LRP1B: variants seen among roughly 807,000 people sequenced by gnomAD.
The protein encoded by LRP1B is low-density lipoprotein receptor-related protein 1B.
A neutral mutation model predicts 556.6 loss-of-function variants in LRP1B; 217 were observed. The observed-to-expected ratio is 0.39, with a 90% CI of 0.35 to 0.44. LRP1B has a LOEUF of 0.44. Ranked by LOEUF, LRP1B falls within the 20% of genes least tolerant of loss-of-function variation. The pLI is 1.00. For synonymous variants in LRP1B, 2,047 were observed against 1,865.8 expected (o/e 1.10, Z -2.50); for missense variants, 5,053 against 5,620.8 (o/e 0.90, Z 3.23).
chr2:141,930,917 T>A (rs1700482588), intron 1 of LRP1B, among the ~76,000 whole-genome samples: 1 of 152,056 alleles, frequency 6.6e-6, no homozygotes, highest in East Asian at 1.9e-4. Context: ...AAGATGTAAC[T>A]GCCTATTATT....
Position 140,527,384 on chromosome 2 carries a change from A to G in LRP1B, c.7763-1034T>C, listed in dbSNP as rs1041755262. The stretch of plus-strand genomic sequence containing the variant: ...CTAGTGTTGATATTTTAAAGAGCCT[A>G]TTTAATTATAAATAGAAATTATATC... On this transcript the variant is annotated intron_variant, in intron 47 of 90. Transcript: ENST00000389484. Among the ~76,000 whole-genome samples the G allele has an allele frequency of 4.6e-5, 7 of 151,952 alleles. 1 individual carries two copies. The highest frequency in any genetic ancestry group is 3.9e-4 in the Admixed American group (6 of 15,206).
intron 83 of LRP1B, among the ~76,000 whole-genome samples, chr2:140,313,107 G>A (rs1023667290): frequency 2.0e-5 from 3 of 151,688 alleles, no homozygotes; most frequent in African/African-American, 7.3e-5. Flanking sequence ...ACCAAACAAT[G>A]TTTTTATAAA....
chr2:140,504,978 T>C (rs955271157), intron 53 of LRP1B, among the ~76,000 whole-genome samples: 1 of 152,202 alleles, frequency 6.6e-6, no homozygotes, highest in African/African-American at 2.4e-5. Flanking sequence ...TACACTGGCC[T>C]CTGAGAGACA....
chr2:141,414,470 G>C (rs1691011945), intron 3 of LRP1B, among the ~76,000 whole-genome samples: 1 of 152,128 alleles, frequency 6.6e-6, no homozygotes, highest in African/African-American at 2.4e-5. Context: ...AAGTGTGTTA[G>C]CACACTATTT....
Position 141,025,956 on chromosome 2 carries a change from A to G in LRP1B, c.1790-5854T>C, listed in dbSNP as rs188457118. ...GAAGCCCTAGAGATACGCAAGGGGC[A>G]TATAGATCATTGTACAATATTCCAC... On this transcript the variant is annotated intron_variant, in intron 11 of 90. Transcript: ENST00000389484. 3.3e-5 allele frequency among the ~76,000 whole-genome samples: 5 copies of G among 152,236 alleles called. No homozygotes were observed. In the South Asian group the frequency reaches 6.2e-4, roughly 19 times the overall value.
intron 2 of LRP1B, among the ~76,000 whole-genome samples, chr2:141,526,275 G>A (rs1299724586): frequency 1.3e-5 from 2 of 151,966 alleles, no homozygotes; most frequent in Non-Finnish European, 2.9e-5. Flanking sequence ...CTTTTTAGCA[G>A]ACGGTGAGTT....
chr2:140,318,460 C>A (rs1684625504), intron 82 of LRP1B, among the ~76,000 whole-genome samples: 1 of 152,030 alleles, frequency 6.6e-6, no homozygotes, highest in African/African-American at 2.4e-5. Context: ...AAGCAAGATT[C>A]CTTCTTTCAA....
chr2:140,607,621 C>T (rs1173674819), intron 41 of LRP1B, among the ~76,000 whole-genome samples: 4 of 107,240 alleles, frequency 3.7e-5, no homozygotes, highest in Non-Finnish European at 5.6e-5. Flanking sequence ...CTAAACTCGA[C>T]CCCCTCTCTT....
chr2:141,789,585 C>A (rs1220764051), intron 2 of LRP1B, among the ~76,000 whole-genome samples: 1 of 151,700 alleles, frequency 6.6e-6, no homozygotes, highest in Non-Finnish European at 1.5e-5. Context: ...ACCAACTTTC[C>A]TTTATGTTTT....
At chr2:141,095,728 T>C (rs930276860) in intron 7 of LRP1B, among the ~76,000 whole-genome samples, 1 of 152,142 alleles carries the variant, frequency 6.6e-6, no homozygotes, top group Non-Finnish European at 1.5e-5. Context: ...GAGCACCTGT[T>C]CTCAACATGA....
intron 43 of LRP1B, among the ~76,000 whole-genome samples, chr2:140,555,232 A>G (rs982718170): frequency 6.6e-6 from 1 of 151,756 alleles, no homozygotes; most frequent in Non-Finnish European, 1.5e-5. Context: ...AGGAAAAAAA[A>G]AAAACAAATA....
At chr2:140,942,767 T>C (rs1160524126) in intron 20 of LRP1B, among the ~76,000 whole-genome samples, 1 of 152,090 alleles carries the variant, frequency 6.6e-6, no homozygotes, top group African/African-American at 2.4e-5. Context: ...GGACTGGTCT[T>C]ATAACAGATG....
At chr2:141,379,797 T>C (rs1043988181) in intron 3 of LRP1B, among the ~76,000 whole-genome samples, 1 of 152,096 alleles carries the variant, frequency 6.6e-6, no homozygotes, top group Non-Finnish European at 1.5e-5. Flanking sequence ...CATGAGTACC[T>C]GCCACAGCTT....
intron 1 of LRP1B, among the ~76,000 whole-genome samples, chr2:142,116,641 A>C (rs1283057882): frequency 6.6e-6 from 1 of 152,154 alleles, no homozygotes; most frequent in African/African-American, 2.4e-5. Context: ...ATTGTATTAT[A>C]GTTATGTATT....
At chr2:141,132,082 TG>T (rs757484293) in intron 7 of LRP1B, among the ~76,000 whole-genome samples, 2 of 152,008 alleles carry the variant, frequency 1.3e-5, no homozygotes, top group Non-Finnish European at 2.9e-5. Context: ...TGAGAACATA[TG>T]ATGCCCAAAC....
intron 7 of LRP1B, among the ~76,000 whole-genome samples, chr2:141,102,724 T>A (rs543076343): frequency 1.3e-5 from 2 of 152,246 alleles, no homozygotes; most frequent in South Asian, 4.1e-4. Flanking sequence ...AATGCTTTTA[T>A]GTTGATAGGC....
chr2:141,691,429 A>T (rs1301933697), intron 2 of LRP1B, among the ~76,000 whole-genome samples: 1 of 119,362 alleles, frequency 8.4e-6, no homozygotes, highest in East Asian at 2.8e-4. Context: ...GAGTAAGAAG[A>T]AAAGGAAAAA....
chr2:140,515,408 T>A (rs1432453238), intron 50 of LRP1B, among the ~76,000 whole-genome samples: 1 of 151,964 alleles, frequency 6.6e-6, no homozygotes, highest in Non-Finnish European at 1.5e-5. Context: ...TTTATAATAA[T>A]AACACACTCC....
chr2:141,558,248 T>A (rs2105242665), intron 2 of LRP1B, among the ~76,000 whole-genome samples: 1 of 151,962 alleles, frequency 6.6e-6, no homozygotes, highest in Non-Finnish European at 1.5e-5. Flanking sequence ...ACTTAGGGTG[T>A]TAATTTACTT....
Sources: gnomAD v4.1 joint callset for allele counts (sites outside exome capture counted in the v4.1 genomes callset) on GRCh38, gnomAD v4.1.1 for gene constraint, MANE v1.5 for transcripts, NCBI Gene and HGNC (gene_info 2026-07-23, HGNC 2026-07-21) for gene names.